The following NFIB variants were observed in gnomAD, a reference collection of about 807,000 sequenced individuals.
NFIB encodes the protein nuclear factor I B, also known as nuclear factor 1 B-type.
In NFIB, 11 loss-of-function variants were observed where a neutral mutation model predicts 61.5. The ratio of observed to expected loss-of-function variants is 0.18; its 90% CI spans 0.11 to 0.30. NFIB has a LOEUF of 0.30. NFIB is among the 10% of genes least tolerant of loss of function. The pLI is 1.00. For synonymous variants in NFIB, 260 were observed against 216.5 expected (o/e 1.20, Z -1.76); for missense variants, 471 against 608.9 (o/e 0.77, Z 2.38).
chr9:14,127,527 T>G (rs889492405), intron 6 of NFIB, among the ~76,000 whole-genome samples: 1 of 152,190 alleles, frequency 6.6e-6, no homozygotes, highest in Admixed American at 6.6e-5. Context: ...ACTTTGCTTC[T>G]AAGTAGTTCA....
chr9:14,352,504 C>T (rs888875415), intron 1 of NFIB, among the ~76,000 whole-genome samples: 2 of 152,170 alleles, frequency 1.3e-5, no homozygotes, highest in Non-Finnish European at 2.9e-5. Context: ...TCCTCCTGCC[C>T]CTGCCTGGCT....
the NFIB span, among the ~76,000 whole-genome samples, chr9:14,485,845 A>G: frequency 6.6e-6 from 1 of 152,126 alleles, no homozygotes; most frequent in Non-Finnish European, 1.5e-5. Flanking sequence ...ACTGCACTCC[A>G]GCCTGGGTGA....
chr9:14,329,906 G>A (rs1288788166), intron 1 of NFIB, among the ~76,000 whole-genome samples: 2 of 151,676 alleles, frequency 1.3e-5, no homozygotes, highest in East Asian at 2.0e-4. Flanking sequence ...GGCGGATCAC[G>A]AGGTCAGGAG....
rs1044354591 is a variant in NFIB, at chr9:14,167,071, GT to G, written c.617-11179del. ...ATTTTCTCACCAAGGGCATATTGTT[GT>G]GTGTGTGTGTCGGGGGGGGGGGGTT... On this transcript the variant is annotated intron_variant, in intron 3 of 10. Coordinates refer to ENST00000380953, the MANE Select transcript of NFIB (RefSeq NM_001190737.2). Among the ~76,000 whole-genome samples, 15 of 12,426 alleles carry G rather than the reference GT, an allele frequency of 1.2e-3. 1 individual carries two copies. The Admixed American group carries it at 0.016, about 13-fold the overall frequency. 8.2% of individuals were successfully genotyped at this position (12,426 alleles called of 152,430 possible).
rs181684609 is a variant in NFIB at position 14,219,342 on chromosome 9, A to C, written c.563-39562T>G. ...TGACAAATATTGCTATTTTATCTCCAGAGAAACTTTAATATAGAGTCATCT... is the reference window on the plus strand; with the variant it reads ...TGACAAATATTGCTATTTTATCTCCCGAGAAACTTTAATATAGAGTCATCT... On this transcript the variant is annotated intron_variant, in intron 2 of 10. Coordinates refer to ENST00000380953, the MANE Select transcript of NFIB (RefSeq NM_001190737.2). Among the ~76,000 whole-genome samples, 468 of 141,458 alleles carry C rather than the reference A, an allele frequency of 3.3e-3. 15 individuals carry two copies. The Admixed American group carries it at 0.034, about 10-fold the overall frequency. 92.8% of individuals were successfully genotyped at this position (141,458 alleles called of 152,430 possible). A position where few individuals can be genotyped will look rare whatever the true frequency, so the allele number is the denominator to read the frequency against.
At chr9:14,401,382 TC>T (rs1358522648), upstream of NFIB, among the ~76,000 whole-genome samples, 1 of 152,200 alleles carries the variant, frequency 6.6e-6, no homozygotes, top group African/African-American at 2.4e-5. Flanking sequence ...AGGCCTTGCT[TC>T]CAATCTCTGG....
At chr9:14,161,350 T>G (rs1287374014) in intron 3 of NFIB, among the ~76,000 whole-genome samples, 1 of 152,114 alleles carries the variant, frequency 6.6e-6, no homozygotes, top group Admixed American at 6.6e-5. Context: ...AAATATTAAT[T>G]TAGAATTAAG....
intron 2 of NFIB, among the ~76,000 whole-genome samples, chr9:14,230,684 G>T (rs546690524): frequency 6.6e-6 from 1 of 152,194 alleles, no homozygotes; most frequent in East Asian, 1.9e-4. Flanking sequence ...AGAAGTGAAG[G>T]CATTTAGGTA....
chr9:14,244,186 G>A (rs1421543915), intron 2 of NFIB, among the ~76,000 whole-genome samples: 1 of 152,134 alleles, frequency 6.6e-6, no homozygotes, highest in African/African-American at 2.4e-5. Context: ...ACTAAACAAA[G>A]TAAGTGCTTA....
At position 14,176,179 on chromosome 9, in the gene NFIB, A is replaced by C. The variant is rs73645003; in HGVS notation, c.616+3548T>G. Among the ~76,000 whole-genome samples the C allele has an allele frequency of 3.3e-3, 501 of 150,838 alleles. 2 individuals carry two copies. The highest frequency in any genetic ancestry group is 0.011 in the African/African-American group (471 of 41,008). Reference sequence around the variant, plus strand: ...GTCCCAAAATTAATGGTTTACCCTCATTTGGTCCACAAGAGTTGTTTGCTA... The same window carrying C: ...GTCCCAAAATTAATGGTTTACCCTCCTTTGGTCCACAAGAGTTGTTTGCTA... On this transcript the variant is annotated intron_variant, in intron 3 of 10. Coordinates refer to ENST00000380953, the MANE Select transcript of NFIB (RefSeq NM_001190737.2).
chr9:14,199,800 T>C (rs1184890201), intron 2 of NFIB, among the ~76,000 whole-genome samples: 1 of 152,178 alleles, frequency 6.6e-6, no homozygotes, highest in Non-Finnish European at 1.5e-5. Flanking sequence ...TTCACAAAAC[T>C]CCTGAAGATA....
the NFIB span, among the ~76,000 whole-genome samples, chr9:14,427,889 C>T: frequency 1.4e-5 from 2 of 138,184 alleles, no homozygotes; most frequent in African/African-American, 5.3e-5. Context: ...ATTCCCCTGC[C>T]ACTTCTTCTA....
intron 3 of NFIB, among the ~76,000 whole-genome samples, chr9:14,175,187 TGAGATGGAGTCTCGC>T (rs2046042770): frequency 7.1e-6 from 1 of 141,234 alleles, no homozygotes. Flanking sequence ...TTTTTTTTTT[TGAGATGGAGTCTCGC>T]TCTGTTGTCC....
intron 2 of NFIB, among the ~76,000 whole-genome samples, chr9:14,297,714 C>T (rs971734228): frequency 6.6e-6 from 1 of 152,170 alleles, no homozygotes; most frequent in African/African-American, 2.4e-5. Flanking sequence ...TACATTTTAA[C>T]TTAAACTTCC....
intron 1 of NFIB, among the ~76,000 whole-genome samples, chr9:14,335,458 T>G (rs1286183330): frequency 6.6e-6 from 1 of 152,216 alleles, no homozygotes; most frequent in Non-Finnish European, 1.5e-5. Flanking sequence ...GAACATCTCT[T>G]TATGTGCTTA....
chr9:14,131,327 A>G (rs1319560901), intron 6 of NFIB, among the ~76,000 whole-genome samples: 1 of 152,316 alleles, frequency 6.6e-6, no homozygotes, highest in East Asian at 1.9e-4. Context: ...TGCAAAATCA[A>G]ATTATCACAC....
intron 6 of NFIB, among the ~76,000 whole-genome samples, chr9:14,138,921 T>C (rs566710730): frequency 6.6e-6 from 1 of 152,228 alleles, no homozygotes; most frequent in South Asian, 2.1e-4. Context: ...TATGTATATG[T>C]AAAATTTTAC....
chr9:14,476,057 A>G, the NFIB span, among the ~76,000 whole-genome samples: 9 of 152,236 alleles, frequency 5.9e-5, no homozygotes, highest in African/African-American at 2.2e-4. Flanking sequence ...CAATAAGTCA[A>G]TGCCACATGT....
chr9:14,348,015 G>A (rs571822375), intron 1 of NFIB, among the ~76,000 whole-genome samples: 1 of 152,188 alleles, frequency 6.6e-6, no homozygotes, highest in African/African-American at 2.4e-5. Flanking sequence ...ATCCGACAGA[G>A]CACCCAGGAC....
Sources: allele counts gnomAD v4.1 joint callset (sites outside exome capture counted in the v4.1 genomes callset), GRCh38; gene constraint gnomAD v4.1.1; transcripts MANE v1.5; gene names NCBI Gene and HGNC (gene_info 2026-07-23, HGNC 2026-07-21).